Variants in TCF7L1 observed in about 807,000 individuals in gnomAD.
The protein encoded by TCF7L1 is transcription factor 7 like 1, also known as transcription factor 7-like 1.
TCF7L1 carries 18 observed loss-of-function variants against 63.7 expected under a neutral mutation model. The ratio of observed to expected loss-of-function variants is 0.28; its 90% CI spans 0.20 to 0.42. The LOEUF (loss-of-function observed/expected upper bound fraction) is 0.42. Ranked by LOEUF, TCF7L1 falls within the 10% of genes least tolerant of loss-of-function variation. The probability of loss-of-function intolerance (pLI) is 1.00; values close to 1 mark genes in which losing one functional copy is unlikely to be tolerated. For missense variants in TCF7L1, 654 were observed against 779.3 expected, an observed-to-expected ratio of 0.84 and a Z score of 1.91; for synonymous variants, 355 against 340.9, an observed-to-expected ratio of 1.04 and a Z score of -0.46.
chr2:85,283,715 C>T (rs1681477680), intron 4 of TCF7L1, 137 bp downstream of exon 4: 1 of 928,712 alleles, frequency 1.1e-6, no homozygotes, highest in Admixed American at 1.8e-5. Flanking sequence ...TGAGGAAGAG[C>T]TGAGTGCTTG....
At chr2:85,172,738 C>T (rs1678578160) in intron 3 of TCF7L1, among the ~76,000 whole-genome samples, 1 of 152,120 alleles carries the variant, frequency 6.6e-6, no homozygotes, top group Non-Finnish European at 1.5e-5. Context: ...CTAGAACATT[C>T]TTTATCCTTT....
chr2:85,152,106 A>T (rs921976306), intron 3 of TCF7L1, among the ~76,000 whole-genome samples: 2 of 152,188 alleles, frequency 1.3e-5, no homozygotes, highest in African/African-American at 4.8e-5. Flanking sequence ...CTGGCTTCTG[A>T]GTCCTTGTGA....
At chr2:85,198,478 C>T (rs892926063) in intron 3 of TCF7L1, among the ~76,000 whole-genome samples, 2 of 152,186 alleles carry the variant, frequency 1.3e-5, no homozygotes, top group African/African-American at 4.8e-5. Flanking sequence ...GAGCATTTTC[C>T]ACAGGCAGGG....
At chr2:85,224,582 CA>C (rs1357836305) in intron 3 of TCF7L1, among the ~76,000 whole-genome samples, 2 of 152,184 alleles carry the variant, frequency 1.3e-5, no homozygotes, top group African/African-American at 4.8e-5. Context: ...TAAATGTCTT[CA>C]TTTGAGAAGT....
At chr2:85,239,788 C>G (rs1321101160) in intron 3 of TCF7L1, among the ~76,000 whole-genome samples, 1 of 151,548 alleles carries the variant, frequency 6.6e-6, no homozygotes, top group African/African-American at 2.4e-5. Flanking sequence ...ACTAAAAATA[C>G]AAAAAATTTA....
intron 3 of TCF7L1, among the ~76,000 whole-genome samples, chr2:85,165,882 A>G (rs55948631): frequency 0.046 from 6,954 of 152,220 alleles, 542 homozygotes; most frequent in African/African-American, 0.16. Context: ...ACACTGACAC[A>G]TTACTGTTAA....
At chr2:85,284,468 C>A (rs1250526067) in intron 4 of TCF7L1, among the ~76,000 whole-genome samples, 1 of 152,156 alleles carries the variant, frequency 6.6e-6, no homozygotes. Flanking sequence ...AGCAGTGGAT[C>A]CAAGCAGTAC....
intron 3 of TCF7L1, among the ~76,000 whole-genome samples, chr2:85,251,411 ATATAGT>A (rs1680584309): frequency 2.0e-5 from 3 of 152,210 alleles, no homozygotes; most frequent in Admixed American, 2.0e-4. Flanking sequence ...TGTGTACAGT[ATATAGT>A]GTAAACAGTA....
intron 3 of TCF7L1, among the ~76,000 whole-genome samples, chr2:85,276,038 C>CTTA (rs1163453383): frequency 1.4e-4 from 21 of 152,076 alleles, no homozygotes; most frequent in Admixed American, 1.0e-3. Flanking sequence ...ATGACTCATT[C>CTTA]TTAAGAAAGA....
intron 3 of TCF7L1, among the ~76,000 whole-genome samples, chr2:85,148,564 C>A (rs2104200726): frequency 1.3e-5 from 2 of 152,268 alleles, no homozygotes; most frequent in Admixed American, 1.3e-4. Flanking sequence ...ACTGAAGTAA[C>A]ATTTTGTCTG....
At chr2:85,171,210 C>T (rs530941718) in intron 3 of TCF7L1, among the ~76,000 whole-genome samples, 1 of 152,310 alleles carries the variant, frequency 6.6e-6, no homozygotes, top group East Asian at 1.9e-4. Context: ...GTCACGTGAA[C>T]AGCATGGGAA....
chr2:85,308,417 T>TCCCTCCTTTTC (rs1682177275), intron 11 of TCF7L1, among the ~76,000 whole-genome samples: 1 of 65,062 alleles, frequency 1.5e-5, no homozygotes, highest in African/African-American at 8.8e-5. Flanking sequence ...CCCTTTCCCC[T>TCCCTCCTTTTC]TCCCTCCCTC....
At chr2:85,176,629 G>C (rs1415897063) in intron 3 of TCF7L1, among the ~76,000 whole-genome samples, 1 of 152,214 alleles carries the variant, frequency 6.6e-6, no homozygotes, top group Non-Finnish European at 1.5e-5. Context: ...TCTGAAAATT[G>C]TATATTCCAT....
At chr2:85,284,672 G>C (rs903519483) in intron 4 of TCF7L1, among the ~76,000 whole-genome samples, 1 of 152,144 alleles carries the variant, frequency 6.6e-6, no homozygotes, top group Non-Finnish European at 1.5e-5. Context: ...CAGGGAATGC[G>C]GTTAGAAGGG....
At chr2:85,238,696 A>G (rs1680251640) in intron 3 of TCF7L1, among the ~76,000 whole-genome samples, 1 of 152,204 alleles carries the variant, frequency 6.6e-6, no homozygotes, top group African/African-American at 2.4e-5. Flanking sequence ...GATACACCAT[A>G]CAGAGGACTG....
chr2:85,148,276 C>T (rs1677927906), intron 3 of TCF7L1, among the ~76,000 whole-genome samples: 1 of 151,982 alleles, frequency 6.6e-6, no homozygotes, highest in South Asian at 2.1e-4. Flanking sequence ...GTTCCTTGGA[C>T]CTTGCATGGA....
chr2:85,273,543 C>T (rs1019003287), intron 3 of TCF7L1, among the ~76,000 whole-genome samples: 1 of 152,194 alleles, frequency 6.6e-6, no homozygotes, highest in Non-Finnish European at 1.5e-5. Flanking sequence ...GGGAAATAAG[C>T]CCTCTCCCAG....
chr2:85,148,216 G>A lies in TCF7L1; in HGVS notation c.441+13766G>A, dbSNP rs141431862. Among the ~76,000 whole-genome samples, 347 of 152,262 alleles carry A rather than the reference G, an allele frequency of 2.3e-3. 1 individual carries two copies. Among genetic ancestry groups the A allele is most frequent in the African/African-American group, 8.0e-3 (333 of 41,544 alleles). On this transcript the variant is annotated intron_variant, in intron 3 of 11. Coordinates refer to ENST00000282111, the MANE Select transcript of TCF7L1 (RefSeq NM_031283.3). Reference sequence around the variant, plus strand: ...GCAAAGGAGAGTTAATGCAGGAAGGGGCTGGGATGGGGAGAGTCTGTGGAG... The same window carrying A: ...GCAAAGGAGAGTTAATGCAGGAAGGAGCTGGGATGGGGAGAGTCTGTGGAG...
chr2:85,179,051 T>C (rs1271686865), intron 3 of TCF7L1, among the ~76,000 whole-genome samples: 1 of 152,220 alleles, frequency 6.6e-6, no homozygotes, highest in Non-Finnish European at 1.5e-5. Flanking sequence ...GAGCTGGTGC[T>C]TCTCTCCACC....
Sources: gnomAD v4.1 joint callset for allele counts (sites outside exome capture counted in the v4.1 genomes callset) on GRCh38, gnomAD v4.1.1 for gene constraint, MANE v1.5 for transcripts, NCBI Gene and HGNC (gene_info 2026-07-23, HGNC 2026-07-21) for gene names.